Variants in SACM1L observed in about 807,000 individuals in gnomAD.
SACM1L encodes the protein phosphatidylinositol-3-phosphatase SAC1.
SACM1L carries 32 observed loss-of-function variants against 89.5 expected under a neutral mutation model. The observed-to-expected ratio is 0.36, with a 90% CI of 0.27 to 0.48. SACM1L has a LOEUF of 0.48. SACM1L is among the 20% of genes least tolerant of loss of function. The probability of loss-of-function intolerance (pLI) is 0.99; values close to 1 mark genes in which losing one functional copy is unlikely to be tolerated. For synonymous variants in SACM1L, 213 were observed against 232.8 expected (o/e 0.92, Z 0.77); for missense variants, 543 against 708.5 (o/e 0.77, Z 2.65).
chr3:45,694,703 TTAAC>T (rs1183609201), intron 1 of SACM1L, among the ~76,000 whole-genome samples: 4 of 152,198 alleles, frequency 2.6e-5, no homozygotes, highest in East Asian at 3.8e-4. Context: ...ATCTGCAAGT[TTAAC>T]TAGCTATCCT....
intron 1 of SACM1L, among the ~76,000 whole-genome samples, chr3:45,700,978 T>C (rs1698253910): frequency 6.6e-6 from 1 of 152,360 alleles, no homozygotes; most frequent in South Asian, 2.1e-4. Context: ...AGCCTCTATC[T>C]CTTTTTAATG....
chr3:45,709,369 C>T, intron 4 of SACM1L, 129 bp from the exon 5 acceptor site: 2 of 728,736 alleles, frequency 2.7e-6, no homozygotes, highest in Non-Finnish European at 4.4e-6. Flanking sequence ...GCATCCCCCT[C>T]ACTGGCTCAG....
At chr3:45,719,290 A>G (rs1258342986) in intron 7 of SACM1L, among the ~76,000 whole-genome samples, 1 of 152,204 alleles carries the variant, frequency 6.6e-6, no homozygotes, top group Non-Finnish European at 1.5e-5. Flanking sequence ...TGAACTTCTT[A>G]AACATACTAC....
intron 7 of SACM1L, among the ~76,000 whole-genome samples, chr3:45,717,529 G>A (rs1317061091): frequency 5.9e-5 from 9 of 152,130 alleles, no homozygotes; most frequent in South Asian, 2.1e-4. Flanking sequence ...CAGGGTTTTG[G>A]TACTGTTTTG....
chr3:45,738,603 C>T lies in SACM1L; in HGVS notation c.1408C>T (p.Leu470Phe), dbSNP rs199880961. The change falls in exon 17 of 20, where the codon CTT (leucine) becomes TTT (phenylalanine). Residue 470 changes from leucine (L) to phenylalanine (F), a missense_variant. By Grantham distance (22) the Leu-to-Phe change is conservative (BLOSUM62 0). Coordinates refer to ENST00000389061, the MANE Select transcript of SACM1L (RefSeq NM_014016.5). ...TRTGKRTHLG[L>F]IMDGWNSMIR... ...AACTGGAAAGAGAACTCATTTGGGACTTATAATGGATGGCTGGAACTCAAT... is the reference window on the plus strand; with the variant it reads ...AACTGGAAAGAGAACTCATTTGGGATTTATAATGGATGGCTGGAACTCAAT... 1.2e-5 allele frequency: 20 copies of T among 1,612,396 alleles called. No homozygotes were observed. The East Asian group carries it at 4.5e-4, about 36-fold the overall frequency.
chr3:45,733,261 G>A (rs962543293), intron 13 of SACM1L, among the ~76,000 whole-genome samples: 4 of 152,176 alleles, frequency 2.6e-5, no homozygotes, highest in African/African-American at 9.7e-5. Flanking sequence ...TTTTTTCTAA[G>A]GGTTTTGGGG....
chr3:45,700,294 A>T (rs184183183), intron 1 of SACM1L, among the ~76,000 whole-genome samples: 1 of 152,248 alleles, frequency 6.6e-6, no homozygotes, highest in African/African-American at 2.4e-5. Context: ...AATTATGGCA[A>T]CTGTCCCCCA....
chr3:45,718,294 T>TA lies in SACM1L; in HGVS notation c.578-1192dup, dbSNP rs5848764. Among the ~76,000 whole-genome samples the TA allele has an allele frequency of 2.8e-3, 410 of 148,488 alleles. 1 individual carries two copies. Among genetic ancestry groups the TA allele is most frequent in the African/African-American group, 6.9e-3 (281 of 40,476 alleles). On this transcript the variant is annotated intron_variant, in intron 7 of 19. Coordinates refer to ENST00000389061, the MANE Select transcript of SACM1L (RefSeq NM_014016.5). ...ACATACAGATTAATTCCTGTTATGT[T>TA]AAAAAAAAAAAAAAGTCAAAAGCTG...
intron 11 of SACM1L, among the ~76,000 whole-genome samples, chr3:45,729,572 GAA>G (rs1336907117): frequency 6.6e-6 from 1 of 152,170 alleles, no homozygotes; most frequent in African/African-American, 2.4e-5. Context: ...GCCAGATACA[GAA>G]TCCTTGGTTG....
Position 45,695,997 on chromosome 3 carries a change from C to CT in SACM1L, c.32+6518dup, listed in dbSNP as rs56074379. Among the ~76,000 whole-genome samples, 678 of 134,192 alleles carry CT rather than the reference C, an allele frequency of 5.1e-3. 2 individuals carry two copies. The highest frequency in any genetic ancestry group is 7.9e-3 in the South Asian group (33 of 4,166). The allele number at this position is 134,192 out of a possible 152,430, so 88.0% of individuals were successfully genotyped here. A position where few individuals can be genotyped will look rare whatever the true frequency, so the allele number is the denominator to read the frequency against. On this transcript the variant is annotated intron_variant, in intron 1 of 19. Transcript: ENST00000389061. Reference sequence around the variant, plus strand: ...ATTGTGTAGCATGTGTCAGAATTTCCTTTTTTTTTTTTTTTTTTGAGATGG... The same window carrying CT: ...ATTGTGTAGCATGTGTCAGAATTTCCTTTTTTTTTTTTTTTTTTTGAGATGG...
At chr3:45,710,793 G>A (rs1260432563) in intron 5 of SACM1L, among the ~76,000 whole-genome samples, 1 of 152,108 alleles carries the variant, frequency 6.6e-6, no homozygotes, top group Non-Finnish European at 1.5e-5. Context: ...TTTTTTGGGT[G>A]AGATTTTCAA....
rs562066314 is a variant in SACM1L at position 45,738,228 on chromosome 3, A to G, written c.1383-350A>G. 2.6e-5 allele frequency among the ~76,000 whole-genome samples: 4 copies of G among 152,324 alleles called. No individual in the cohort carries two copies. In the South Asian group the frequency reaches 8.3e-4, roughly 32 times the overall value. ...AACATTTTGAATGTATTATGCATGC[A>G]GTGGCTCTTTTTCTGCTATGTGGGT... is the stretch of plus-strand genomic sequence containing the variant. On this transcript the variant is annotated intron_variant, in intron 16 of 19. Transcript: ENST00000389061.
At chr3:45,691,239 C>A (rs1199111362) in intron 1 of SACM1L, among the ~76,000 whole-genome samples, 2 of 151,706 alleles carry the variant, frequency 1.3e-5, no homozygotes, top group Non-Finnish European at 2.9e-5. Context: ...CTTTTTTTCC[C>A]CCTGAAAAAA....
At chr3:45,730,254 T>G (rs1699015281) in intron 11 of SACM1L, among the ~76,000 whole-genome samples, 1 of 152,002 alleles carries the variant, frequency 6.6e-6, no homozygotes, top group African/African-American at 2.4e-5. Flanking sequence ...TTGATTATTA[T>G]AATATCATAA....
chr3:45,731,468 T>C (rs953011075), intron 12 of SACM1L, 88 bp downstream of exon 12: 1 of 728,270 alleles, frequency 1.4e-6, no homozygotes, highest in Non-Finnish European at 2.2e-6. Flanking sequence ...ACTAGACATA[T>C]GTTTCAGCTT....
intron 19 of SACM1L, among the ~76,000 whole-genome samples, chr3:45,742,187 T>C (rs942462682): frequency 6.6e-6 from 1 of 152,216 alleles, no homozygotes; most frequent in Non-Finnish European, 1.5e-5. Context: ...ACTGCCCTTC[T>C]TCTTTTGTCC....
Position 45,732,083 on chromosome 3 carries a change from T to G in SACM1L, c.1032T>G (p.Cys344Trp). 1 of 1,602,204 alleles carries G rather than the reference T, an allele frequency of 6.2e-7. No homozygotes were observed. The highest frequency in any genetic ancestry group is 8.5e-7 in the Non-Finnish European group (1 of 1,176,046). ...RYIAFDFHKE[C>W]KNMRWDRLSI... The stretch of plus-strand genomic sequence containing the variant: ...TTGCCTTTGACTTCCATAAGGAATG[T>G]AAAAATATGAGATGGGATCGACTAA... The change falls in exon 13 of 20, where the codon TGT becomes TGG. Residue 344 changes from cysteine (C) to tryptophan (W), a missense_variant. Cys to Trp is a radical substitution (Grantham distance 215). Coordinates refer to ENST00000389061, the MANE Select transcript of SACM1L (RefSeq NM_014016.5).
At chr3:45,694,876 C>T (rs1025810625) in intron 1 of SACM1L, among the ~76,000 whole-genome samples, 1 of 152,074 alleles carries the variant, frequency 6.6e-6, no homozygotes, top group Non-Finnish European at 1.5e-5. Context: ...TGGACCTAGT[C>T]CTGTGAAGAA....
chr3:45,692,970 G>C (rs1376467442), intron 1 of SACM1L, among the ~76,000 whole-genome samples: 1 of 152,104 alleles, frequency 6.6e-6, no homozygotes, highest in Non-Finnish European at 1.5e-5. Context: ...AATATGTTAG[G>C]CAACTTCTTT....
Sources: gnomAD v4.1 joint callset for allele counts (sites outside exome capture counted in the v4.1 genomes callset) on GRCh38, gnomAD v4.1.1 for gene constraint, MANE v1.5 for transcripts, NCBI Gene and HGNC (gene_info 2026-07-23, HGNC 2026-07-21) for gene names.